Variants in ST6GALNAC3 observed in about 807,000 individuals in gnomAD.
ST6GALNAC3 encodes the protein ST6 N-acetylgalactosaminide alpha-2,6-sialyltransferase 3.
ST6GALNAC3 carries 25 observed loss-of-function variants against 32.7 expected under a neutral mutation model. The ratio of observed to expected loss-of-function variants is 0.76; its 90% CI spans 0.56 to 1.07. The LOEUF (loss-of-function observed/expected upper bound fraction) is 1.07. Among genes scored for constraint, ST6GALNAC3 ranks in the 50% least tolerant of loss-of-function variants. ST6GALNAC3 has a pLI of 0.00. For missense variants in ST6GALNAC3, 355 were observed against 382.4 expected, an observed-to-expected ratio of 0.93 and a Z score of 0.60; for synonymous variants, 129 against 133.1, an observed-to-expected ratio of 0.97 and a Z score of 0.21.
intron 1 of ST6GALNAC3, chr1:76,306,028 A>C (rs534292720): frequency 2.3e-6 from 1 of 426,064 alleles, no homozygotes; most frequent in African/African-American, 2.0e-5. Context: ...AGCCTTAGGT[A>C]GATTTTGTAA....
At chr1:76,104,374 A>G (rs1187959960) in intron 1 of ST6GALNAC3, among the ~76,000 whole-genome samples, 1 of 152,204 alleles carries the variant, frequency 6.6e-6, no homozygotes, top group Non-Finnish European at 1.5e-5. Flanking sequence ...AAGATGATCC[A>G]TAGACCTCTG....
At chr1:76,106,586 T>C (rs1647552405) in intron 1 of ST6GALNAC3, among the ~76,000 whole-genome samples, 1 of 152,150 alleles carries the variant, frequency 6.6e-6, no homozygotes, top group African/African-American at 2.4e-5. Flanking sequence ...CCCATGCTCC[T>C]CAAATGCTGA....
In ST6GALNAC3 at chr1:76,201,738, C is replaced by T. The variant is rs551741342; in HGVS notation, c.19-112067C>T. Among the ~76,000 whole-genome samples the T allele has an allele frequency of 9.2e-5, 14 of 152,062 alleles. No homozygotes were observed. In the South Asian group the frequency reaches 1.2e-3, roughly 14 times the overall value. ...TAAGAGGAAAAAGAAGTGGAAAAGC[C>T]GGGGAGTGGAAATCGCAGGCCTCTG... On this transcript the variant is annotated intron_variant, in intron 1 of 4. Coordinates refer to ENST00000328299, the MANE Select transcript of ST6GALNAC3 (RefSeq NM_152996.4).
chr1:76,461,379 C>G (rs147997647), intron 3 of ST6GALNAC3, among the ~76,000 whole-genome samples: 2 of 152,288 alleles, frequency 1.3e-5, no homozygotes, highest in East Asian at 3.9e-4. Context: ...TTATACATCT[C>G]TAAGTAATTA....
chr1:76,176,236 C>T (rs1652842736), intron 1 of ST6GALNAC3, among the ~76,000 whole-genome samples: 2 of 152,306 alleles, frequency 1.3e-5, no homozygotes, highest in African/African-American at 2.4e-5. Flanking sequence ...TTGCCCACGC[C>T]CTCTTGCAGC....
chr1:76,571,154 A>C (rs1004635530), intron 3 of ST6GALNAC3, among the ~76,000 whole-genome samples: 4 of 152,096 alleles, frequency 2.6e-5, no homozygotes, highest in African/African-American at 9.7e-5. Flanking sequence ...TCTATCTCCT[A>C]TCTGTGTACG....
chr1:76,496,627 T>C (rs113016300), intron 3 of ST6GALNAC3, among the ~76,000 whole-genome samples: 9 of 152,106 alleles, frequency 5.9e-5, no homozygotes, highest in African/African-American at 2.2e-4. Context: ...CCCACCCACT[T>C]CCACTTTGCC....
intron 3 of ST6GALNAC3, among the ~76,000 whole-genome samples, chr1:76,512,120 A>T (rs1463653668): frequency 2.0e-5 from 3 of 152,216 alleles, no homozygotes; most frequent in Non-Finnish European, 4.4e-5. Context: ...CTCCCATAAC[A>T]TAATTTCTTC....
chr1:76,547,441 C>A (rs554664309), intron 3 of ST6GALNAC3, among the ~76,000 whole-genome samples: 1 of 152,280 alleles, frequency 6.6e-6, no homozygotes, highest in South Asian at 2.1e-4. Flanking sequence ...TGACTAGGCT[C>A]TGGTTAAATC....
At chr1:76,355,328 C>G (rs1033414611) in intron 2 of ST6GALNAC3, among the ~76,000 whole-genome samples, 3 of 152,084 alleles carry the variant, frequency 2.0e-5, no homozygotes, top group African/African-American at 7.2e-5. Flanking sequence ...ATGTATATTC[C>G]TACCAAAGAC....
chr1:76,215,742 A>G lies in ST6GALNAC3; in HGVS notation c.19-98063A>G, dbSNP rs995856768. Among the ~76,000 whole-genome samples the G allele has an allele frequency of 4.0e-4, 61 of 152,332 alleles. 1 individual carries two copies. Among genetic ancestry groups the G allele is most frequent in the African/African-American group, 1.4e-3 (58 of 41,584 alleles). The stretch of plus-strand genomic sequence containing the variant: ...CAAAAAGTTTGTCCTGAAGAAGAGT[A>G]GGAAGAGGTAACCGCCTTGAACATT... On this transcript the variant is annotated intron_variant, in intron 1 of 4. Transcript: ENST00000328299.
At chr1:76,448,332 CT>C (rs1322047280) in intron 3 of ST6GALNAC3, among the ~76,000 whole-genome samples, 5 of 152,176 alleles carry the variant, frequency 3.3e-5, no homozygotes, top group African/African-American at 1.2e-4. Flanking sequence ...AACTAACTTG[CT>C]TTTGATTTTA....
At chr1:76,372,943 TA>T (rs1300730973) in intron 2 of ST6GALNAC3, among the ~76,000 whole-genome samples, 2 of 152,044 alleles carry the variant, frequency 1.3e-5, no homozygotes, top group Non-Finnish European at 1.5e-5. Flanking sequence ...ATATTTAAAA[TA>T]TTTTTTTTAA....
At chr1:76,416,476 G>A (rs911207109) in intron 3 of ST6GALNAC3, among the ~76,000 whole-genome samples, 3 of 151,930 alleles carry the variant, frequency 2.0e-5, no homozygotes, top group African/African-American at 7.3e-5. Flanking sequence ...TAGTTAAAGT[G>A]ATTCATGATA....
intron 1 of ST6GALNAC3, among the ~76,000 whole-genome samples, chr1:76,206,851 A>G (rs1293194582): frequency 6.6e-6 from 1 of 152,248 alleles, no homozygotes; most frequent in East Asian, 1.9e-4. Flanking sequence ...AACTTCCAGC[A>G]AAACAACTCC....
In ST6GALNAC3 at chr1:76,499,496, G is replaced by C. The variant is rs558421493; in HGVS notation, c.623+87079G>C. ...CCACAGCTGGTCTTTTTATCTTTCA[G>C]GTCTTTCCCAGGTTTGCAGCTTCCA... On this transcript the variant is annotated intron_variant, in intron 3 of 4. Coordinates refer to ENST00000328299, the MANE Select transcript of ST6GALNAC3 (RefSeq NM_152996.4). Among the ~76,000 whole-genome samples the C allele has an allele frequency of 2.6e-5, 4 of 152,086 alleles. No homozygotes were observed. In the South Asian group the frequency reaches 8.3e-4, roughly 32 times the overall value.
chr1:76,386,099 A>G (rs1047103968), intron 2 of ST6GALNAC3, among the ~76,000 whole-genome samples: 7 of 152,040 alleles, frequency 4.6e-5, no homozygotes, highest in Non-Finnish European at 8.8e-5. Flanking sequence ...TGTCGTCTAC[A>G]GATATGTAAG....
chr1:76,491,128 G>A (rs1243816204), intron 3 of ST6GALNAC3, among the ~76,000 whole-genome samples: 3 of 152,088 alleles, frequency 2.0e-5, no homozygotes. Flanking sequence ...AAAGTGCTGG[G>A]ATTACAGGTG....
At chr1:76,619,793 TG>T (rs1038252128) in intron 3 of ST6GALNAC3, among the ~76,000 whole-genome samples, 13 of 152,092 alleles carry the variant, frequency 8.5e-5, no homozygotes, top group African/African-American at 3.1e-4. Flanking sequence ...AGAATGACTG[TG>T]TTCCTATTAT....
Sources: allele counts gnomAD v4.1 joint callset (sites outside exome capture counted in the v4.1 genomes callset), GRCh38; gene constraint gnomAD v4.1.1; transcripts MANE v1.5; gene names NCBI Gene and HGNC (gene_info 2026-07-23, HGNC 2026-07-21).